The following MYO3B variants were observed in gnomAD, a reference collection of about 807,000 sequenced individuals.
The protein encoded by MYO3B is myosin-IIIb.
In MYO3B, 156 loss-of-function variants were observed where a neutral mutation model predicts 174.6. The observed-to-expected ratio is 0.89, with a 90% CI of 0.78 to 1.02. The LOEUF (loss-of-function observed/expected upper bound fraction) is 1.02. MYO3B is among the 50% of genes least tolerant of loss of function. The pLI is 0.00. For missense variants in MYO3B, 1,632 were observed against 1,639.4 expected, an observed-to-expected ratio of 1.00 and a Z score of 0.08; for synonymous variants, 563 against 569.1, an observed-to-expected ratio of 0.99 and a Z score of 0.15.
chr2:170,274,055 A>G (rs897940028), intron 7 of MYO3B, among the ~76,000 whole-genome samples: 3 of 152,108 alleles, frequency 2.0e-5, no homozygotes, highest in African/African-American at 7.2e-5. Context: ...TGGCCATATT[A>G]GACATATATC....
chr2:170,213,287 G>C, intron 3 of MYO3B, among the ~76,000 whole-genome samples: 1 of 152,204 alleles, frequency 6.6e-6, no homozygotes, highest in East Asian at 1.9e-4. Context: ...AGCTCTCTGA[G>C]TGAGCAATTC....
At chr2:170,185,654 A>G (rs1390929939) in intron 1 of MYO3B, among the ~76,000 whole-genome samples, 1 of 152,076 alleles carries the variant, frequency 6.6e-6, no homozygotes, top group Non-Finnish European at 1.5e-5. Context: ...TATACATTTT[A>G]TGATGTTTTT....
At chr2:170,382,195 C>T in intron 10 of MYO3B, 83 bp downstream of exon 10, 4 of 1,098,364 alleles carry the variant, frequency 3.6e-6, no homozygotes, top group Non-Finnish European at 4.1e-6. Context: ...AGACCATGTC[C>T]TCCTAAGGTC....
chr2:170,466,446 T>C (rs1250942762), intron 24 of MYO3B, 60 bp from the exon 25 acceptor site: 1 of 1,528,316 alleles, frequency 6.5e-7, no homozygotes, highest in African/African-American at 1.4e-5. Flanking sequence ...CGGGCCTGTG[T>C]TGTAACTATC....
At chr2:170,503,881 G>A (rs992857956) in intron 28 of MYO3B, among the ~76,000 whole-genome samples, 6 of 152,170 alleles carry the variant, frequency 3.9e-5, no homozygotes, top group African/African-American at 1.2e-4. Context: ...GAATTGGTGC[G>A]CTGGTTTTGT....
At chr2:170,645,468 C>CAAAAAAA (rs55720994) in intron 32 of MYO3B, among the ~76,000 whole-genome samples, 1 of 66,412 alleles carries the variant, frequency 1.5e-5, no homozygotes. Flanking sequence ...GGCTCCGTCT[C>CAAAAAAA]AAAAAAAAAA....
At chr2:170,518,631 G>C (rs1408603403) in intron 29 of MYO3B, among the ~76,000 whole-genome samples, 1 of 152,220 alleles carries the variant, frequency 6.6e-6, no homozygotes, top group Non-Finnish European at 1.5e-5. Flanking sequence ...TCTGGAAGCA[G>C]TGTCTCTCAA....
chr2:170,369,460 A>C, intron 9 of MYO3B, 83 bp downstream of exon 9: 1 of 1,415,382 alleles, frequency 7.1e-7, no homozygotes, highest in Non-Finnish European at 9.7e-7. Context: ...CAGCATTATT[A>C]CTGGTAGTTA....
At chr2:170,237,306 A>G (rs545725021) in intron 7 of MYO3B, among the ~76,000 whole-genome samples, 45 of 151,778 alleles carry the variant, frequency 3.0e-4, no homozygotes, top group African/African-American at 1.1e-3. Flanking sequence ...GTGTGCTTTG[A>G]TTTTTTTTTA....
chr2:170,435,702 C>T (rs2094748470), intron 22 of MYO3B, among the ~76,000 whole-genome samples: 1 of 152,188 alleles, frequency 6.6e-6, no homozygotes, highest in Non-Finnish European at 1.5e-5. Context: ...TACATTTCAG[C>T]ATTGCTTTGC....
intron 7 of MYO3B, among the ~76,000 whole-genome samples, chr2:170,259,796 A>G (rs1393064435): frequency 6.6e-6 from 1 of 152,204 alleles, no homozygotes; most frequent in South Asian, 2.1e-4. Context: ...AGAATGGGAG[A>G]ATATATTCAC....
intron 29 of MYO3B, among the ~76,000 whole-genome samples, chr2:170,516,328 C>T (rs1489910208): frequency 6.6e-5 from 10 of 151,766 alleles, no homozygotes; most frequent in African/African-American, 2.4e-4. Flanking sequence ...CAGGCAGATG[C>T]TTTTCCATCT....
chr2:170,476,682 G>A (rs1351181809), intron 25 of MYO3B, among the ~76,000 whole-genome samples: 2 of 151,944 alleles, frequency 1.3e-5, no homozygotes, highest in Non-Finnish European at 2.9e-5. Flanking sequence ...CCTGGGGTTC[G>A]TGGTTTGTAT....
chr2:170,323,173 T>C (rs2093841514), intron 7 of MYO3B, among the ~76,000 whole-genome samples: 1 of 152,208 alleles, frequency 6.6e-6, no homozygotes. Flanking sequence ...ACTGTGACGT[T>C]GGTCTTATTG....
At chr2:170,487,622 T>A (rs545931343) in intron 25 of MYO3B, among the ~76,000 whole-genome samples, 2 of 152,220 alleles carry the variant, frequency 1.3e-5, no homozygotes, top group East Asian at 3.8e-4. Flanking sequence ...TTTCAGTCTG[T>A]GTAATTAGCC....
chr2:170,598,341 G>T (rs538117509), intron 32 of MYO3B, among the ~76,000 whole-genome samples: 2 of 152,196 alleles, frequency 1.3e-5, no homozygotes, highest in African/African-American at 4.8e-5. Context: ...CCTCACGAAC[G>T]AATTCCCCTG....
chr2:170,558,585 C>T (rs1691501384), intron 32 of MYO3B, among the ~76,000 whole-genome samples: 1 of 152,066 alleles, frequency 6.6e-6, no homozygotes, highest in Admixed American at 6.5e-5. Flanking sequence ...TCTTTTTTCC[C>T]TTAACATTAT....
chr2:170,468,648 G>A (rs1684788063), intron 25 of MYO3B, among the ~76,000 whole-genome samples: 1 of 152,170 alleles, frequency 6.6e-6, no homozygotes, highest in Non-Finnish European at 1.5e-5. Flanking sequence ...CATCAATAGG[G>A]CCAGGTGAAT....
At chr2:170,630,502 C>G (rs1338986289) in intron 32 of MYO3B, among the ~76,000 whole-genome samples, 1 of 152,222 alleles carries the variant, frequency 6.6e-6, no homozygotes, top group African/African-American at 2.4e-5. Flanking sequence ...ACAGAAATTT[C>G]TGCAGATTTA....
Sources: gnomAD v4.1 joint callset for allele counts (sites outside exome capture counted in the v4.1 genomes callset) on GRCh38, gnomAD v4.1.1 for gene constraint, MANE v1.5 for transcripts, NCBI Gene and HGNC (gene_info 2026-07-23, HGNC 2026-07-21) for gene names.